LARGE1: variants seen among roughly 807,000 people sequenced by gnomAD.
LARGE1 encodes xylosyl- and glucuronyltransferase LARGE1.
In LARGE1, 43 loss-of-function variants were observed where a neutral mutation model predicts 87.6. The observed-to-expected ratio is 0.49, with a 90% CI of 0.38 to 0.63. The LOEUF (loss-of-function observed/expected upper bound fraction) is 0.63, where lower values mean the gene tolerates loss of function less well. LARGE1 is among the 30% of genes least tolerant of loss of function. The pLI, the probability that LARGE1 is intolerant of heterozygous loss-of-function variation, is 0.00. For synonymous variants in LARGE1, 434 were observed against 394.6 expected (o/e 1.10, Z -1.18); for missense variants, 802 against 1,000.2 (o/e 0.80, Z 2.67).
intron 4 of LARGE1, among the ~76,000 whole-genome samples, chr22:33,625,965 G>A (rs1252612448): frequency 1.3e-5 from 2 of 152,134 alleles, no homozygotes; most frequent in African/African-American, 4.8e-5. Context: ...GCTAGGCAGG[G>A]GAAGCTGATA....
At chr22:33,259,562 G>C (rs1189779815) in intron 11 of LARGE1, among the ~76,000 whole-genome samples, 1 of 152,132 alleles carries the variant, frequency 6.6e-6, no homozygotes, top group Non-Finnish European at 1.5e-5. Context: ...AGCAAACAAT[G>C]TCTTGACATT....
chr22:33,223,714 C>T (rs950277582), intron 11 of LARGE1, among the ~76,000 whole-genome samples: 1 of 152,178 alleles, frequency 6.6e-6, no homozygotes, highest in Admixed American at 6.5e-5. Context: ...GTCAATGACT[C>T]GGTTTAGACT....
intron 2 of LARGE1, among the ~76,000 whole-genome samples, chr22:33,715,576 T>C (rs2082884631): frequency 6.6e-6 from 1 of 152,192 alleles, no homozygotes; most frequent in Non-Finnish European, 1.5e-5. Context: ...TCCTAAACTT[T>C]ATCCAGCATC....
intron 1 of LARGE1, among the ~76,000 whole-genome samples, chr22:33,854,231 A>G (rs2063693562): frequency 6.6e-6 from 1 of 150,842 alleles, no homozygotes; most frequent in Admixed American, 6.6e-5. Context: ...AAAAAAAAAA[A>G]AAAAAAAGAA....
intron 1 of LARGE1, among the ~76,000 whole-genome samples, chr22:33,910,435 C>T (rs1256307079): frequency 1.3e-5 from 2 of 152,268 alleles, no homozygotes; most frequent in Non-Finnish European, 2.9e-5. Flanking sequence ...CTACCCTATC[C>T]TCCCATCTCC....
intron 3 of LARGE1, among the ~76,000 whole-genome samples, chr22:33,637,527 G>A (rs1455559584): frequency 1.3e-5 from 2 of 152,086 alleles, no homozygotes; most frequent in African/African-American, 4.8e-5. Context: ...CGGGCTGTAT[G>A]ACCAATGGAA....
intron 6 of LARGE1, among the ~76,000 whole-genome samples, chr22:33,473,443 G>A (rs371814289): frequency 2.6e-5 from 4 of 151,914 alleles, no homozygotes; most frequent in Non-Finnish European, 5.9e-5. Context: ...TCTGCCTCCC[G>A]GGTTCAAGTG....
In LARGE1 at chr22:33,761,517, CTG is replaced by C. The variant is rs1175359426; in HGVS notation, c.-43_-42del. 1.3e-6 allele frequency: 2 copies of C among 1,506,968 alleles called. No individual in the cohort carries two copies. Among genetic ancestry groups the C allele is most frequent in the African/African-American group, 2.7e-5 (2 of 72,804 alleles). The allele number at this position is 1,506,968 out of a possible 1,614,324, so 93.3% of individuals were successfully genotyped here. On this transcript the variant is annotated 5_prime_UTR_variant, in exon 2 of 15. It removes the in-frame stop codon of an upstream open reading frame in the 5' UTR. Coordinates refer to ENST00000397394, the MANE Select transcript of LARGE1 (RefSeq NM_133642.5). ...AATCCCTAATCCCAGCGCCGTTTCT[CTG>C]TCCGGAGCATGAAGTCCTCGGCCTC... is the stretch of plus-strand genomic sequence containing the variant.
At chr22:33,714,294 T>G (rs1191104009) in intron 2 of LARGE1, among the ~76,000 whole-genome samples, 3 of 152,110 alleles carry the variant, frequency 2.0e-5, no homozygotes, top group African/African-American at 7.2e-5. Context: ...AGCCTCACAT[T>G]CAAGAGCATG....
At chr22:33,503,139 T>A (rs187832465) in intron 6 of LARGE1, among the ~76,000 whole-genome samples, 117 of 152,202 alleles carry the variant, frequency 7.7e-4, no homozygotes, top group African/African-American at 2.7e-3. Flanking sequence ...GTGGGAAAGG[T>A]TATCCGCAAC....
At chr22:33,226,997 A>G (rs1379175331) in intron 11 of LARGE1, among the ~76,000 whole-genome samples, 1 of 152,214 alleles carries the variant, frequency 6.6e-6, no homozygotes, top group African/African-American at 2.4e-5. Flanking sequence ...GAGGTTTTAA[A>G]TAAGTGTCCA....
chr22:33,140,222 C>T, the LARGE1 span, among the ~76,000 whole-genome samples: 2 of 152,170 alleles, frequency 1.3e-5, no homozygotes, highest in African/African-American at 4.8e-5. Flanking sequence ...CCTCCCCCTT[C>T]TGGGAAGATG....
At chr22:33,677,560 C>T (rs2149287966) in intron 2 of LARGE1, among the ~76,000 whole-genome samples, 1 of 152,236 alleles carries the variant, frequency 6.6e-6, no homozygotes, top group African/African-American at 2.4e-5. Context: ...CTCCTTCTCT[C>T]TTCTCTCCCT....
intron 13 of LARGE1, among the ~76,000 whole-genome samples, chr22:33,282,925 C>T (rs1340177124): frequency 1.3e-5 from 2 of 152,274 alleles, no homozygotes; most frequent in East Asian, 3.9e-4. Context: ...CAGAAATAAG[C>T]TAAACCTTCC....
intron 5 of LARGE1, among the ~76,000 whole-genome samples, chr22:33,603,092 G>C: frequency 6.7e-6 from 1 of 148,414 alleles, no homozygotes. Context: ...AATAGATTGG[G>C]AATGGCACGC....
At position 33,332,367 on chromosome 22, in the gene LARGE1, C is replaced by T. The variant is rs574374256; in HGVS notation, c.1287+5279G>A. The stretch of plus-strand genomic sequence containing the variant: ...CTGTGTAAGACGTCCCTTGCTCTTC[C>T]GCCATGATTGTGAGGCCTCCCCAGC... On this transcript the variant is annotated intron_variant, in intron 10 of 14. Transcript: ENST00000397394. Among the ~76,000 whole-genome samples the T allele has an allele frequency of 1.4e-4, 22 of 152,300 alleles. No homozygotes were observed. The South Asian group carries it at 1.9e-3, about 13-fold the overall frequency.
chr22:33,392,635 G>C (rs919460927), intron 7 of LARGE1, among the ~76,000 whole-genome samples: 2 of 151,914 alleles, frequency 1.3e-5, no homozygotes, highest in Non-Finnish European at 2.9e-5. Context: ...CTCCCGCCTG[G>C]GCAACACAGC....
chr22:33,210,248 G>A (rs2146230136), intron 11 of LARGE1, among the ~76,000 whole-genome samples: 1 of 152,382 alleles, frequency 6.6e-6, no homozygotes, highest in East Asian at 1.9e-4. Context: ...ACAGGCCTTT[G>A]GGGCGTGTAT....
At chr22:33,454,132 T>C (rs915704313) in intron 6 of LARGE1, among the ~76,000 whole-genome samples, 4 of 152,212 alleles carry the variant, frequency 2.6e-5, no homozygotes, top group Non-Finnish European at 4.4e-5. Flanking sequence ...AACAGAGCTA[T>C]GTCGGTCATG....
Sources: allele counts gnomAD v4.1 joint callset (sites outside exome capture counted in the v4.1 genomes callset), GRCh38; gene constraint gnomAD v4.1.1; transcripts MANE v1.5; gene names NCBI Gene and HGNC (gene_info 2026-07-23, HGNC 2026-07-21).